Variants in PWWP3A observed in about 807,000 individuals in gnomAD.
The protein encoded by PWWP3A is PWWP domain containing 3A, DNA repair factor.
PWWP3A carries 53 observed loss-of-function variants against 79.0 expected under a neutral mutation model. That is an observed-to-expected ratio of 0.67 (90% confidence interval 0.54 to 0.84). The LOEUF is 0.84. PWWP3A is among the 40% of genes least tolerant of loss of function. PWWP3A has a pLI of 0.00. For missense variants in PWWP3A, 973 were observed against 948.0 expected (o/e 1.03, Z -0.35); for synonymous variants, 443 against 394.4 (o/e 1.12, Z -1.46).
At chr19:1,358,173 T>G (rs72981685) in intron 3 of PWWP3A, 36,700 of 486,400 alleles carry the variant, frequency 0.075, 1,858 homozygotes, top group Non-Finnish European at 0.098. Context: ...CCAGCCAACC[T>G]TTTCTGTCTT....
rs1600093148 is a variant in PWWP3A at position 1,356,443 on chromosome 19, T to G, written c.51T>G (p.Pro17=). ...VLCRWEKRLW[P]AKVLARTATS... ...GCCGATGGGAAAAGCGATTATGGCC[T>G]GCGAAGGTGACAGCCATTATTCTGT... Residue 17 remains proline (P), a synonymous_variant, in exon 2 of 14, where the codon CCT becomes CCG. Transcript: ENST00000591337. 6.2e-7 allele frequency: 1 copy of G among 1,614,162 alleles called. No homozygotes were observed. The highest frequency in any genetic ancestry group is 1.1e-5 in the South Asian group (1 of 91,080).
rs1338314940 is a variant in PWWP3A at position 1,378,154 on chromosome 19, C to T, written c.*1578C>T. 2 of 152,342 alleles carry T rather than the reference C, an allele frequency of 1.3e-5. No individual in the cohort carries two copies. The highest frequency in any genetic ancestry group is 2.9e-5 in the Non-Finnish European group (2 of 68,114). The allele number at this position is 152,342 out of a possible 1,614,324, so 9.4% of individuals were successfully genotyped here. ...GGTCAGGGCTGTCGGCCTTGGCCCC[C>T]TGCTGGTCGCTGTTTCGGGGACTCG... On this transcript the variant is annotated 3_prime_UTR_variant, in exon 14 of 14. Coordinates refer to ENST00000591337, the MANE Select transcript of PWWP3A (RefSeq NM_001369789.1).
intron 5 of PWWP3A, 72 bp from the exon 6 acceptor site, chr19:1,362,178 G>T: frequency 1.5e-6 from 2 of 1,319,078 alleles, no homozygotes; most frequent in Non-Finnish European, 1.1e-6. Context: ...CATGTGTCAT[G>T]AAATGTTTTC....
At chr19:1,357,327 T>C in intron 3 of PWWP3A, 1 of 459,484 alleles carries the variant, frequency 2.2e-6, no homozygotes, top group South Asian at 3.0e-5. Flanking sequence ...ATGGAGAGAT[T>C]GGTACAAACA....
At position 1,369,489 on chromosome 19, in the gene PWWP3A, C is replaced by T. The variant is rs2082203656; in HGVS notation, c.1499-107C>T. The T allele has an allele frequency of 3.3e-6, 5 of 1,517,504 alleles. No individual in the cohort carries two copies. Among genetic ancestry groups the T allele is most frequent in the Non-Finnish European group, 4.6e-6 (5 of 1,094,338 alleles). The allele number at this position is 1,517,504 out of a possible 1,614,324, so 94.0% of individuals were successfully genotyped here. ...CCTGTGGGTGGGCTGGGGTTCTGGC[C>T]TGGCCTGATTATTTCCTAAACAGAG... On this transcript the variant is annotated intron_variant, in intron 10 of 13. Coordinates refer to ENST00000591337, the MANE Select transcript of PWWP3A (RefSeq NM_001369789.1). The surrounding 1 kb of genome is among the most constrained non-coding windows in gnomAD (Gnocchi z 4.0).
At chr19:1,358,224 C>G in intron 3 of PWWP3A, 170 bp from the exon 4 acceptor site, 1 of 528,000 alleles carries the variant, frequency 1.9e-6, no homozygotes, top group Non-Finnish European at 3.3e-6. Flanking sequence ...AGGGTTCTTG[C>G]TGCCTGTAAC....
chr19:1,368,633 C>T lies in PWWP3A; in HGVS notation c.1423-632C>T, dbSNP rs561563123. 3.9e-5 allele frequency among the ~76,000 whole-genome samples: 6 copies of T among 152,318 alleles called. No individual in the cohort carries two copies. The highest frequency in any genetic ancestry group is 7.2e-5 in the African/African-American group (3 of 41,572). On this transcript the variant is annotated intron_variant, in intron 9 of 13. Coordinates refer to ENST00000591337, the MANE Select transcript of PWWP3A (RefSeq NM_001369789.1). This position sits in a 1 kb window ranked among gnomAD's most constrained non-coding sequence, Gnocchi z 4.7. ...TCGTGGCTTTATGGCATCTTTGGGA[C>T]GGCTGTGTCCTTTTCTGGGGACCCA...
At chr19:1,362,200 C>A in intron 5 of PWWP3A, 50 bp from the exon 6 acceptor site, 1 of 1,502,272 alleles carries the variant, frequency 6.7e-7, no homozygotes, top group South Asian at 1.2e-5. Context: ...TGGGATGAGT[C>A]ATCAAGACAA....
At chr19:1,372,876 T>C (rs1195762550) in intron 12 of PWWP3A, 196 bp from the exon 13 acceptor site, 3 of 576,742 alleles carry the variant, frequency 5.2e-6, no homozygotes, top group Non-Finnish European at 6.2e-6. Flanking sequence ...GTCCGAAAGA[T>C]AGTACTGATT....
At chr19:1,362,575 C>A (rs144627815) in intron 6 of PWWP3A, among the ~76,000 whole-genome samples, 24 of 152,344 alleles carry the variant, frequency 1.6e-4, no homozygotes, top group African/African-American at 5.5e-4. Flanking sequence ...TGGGAAGAGA[C>A]GGCCCAGCCC....
At chr19:1,374,380 C>T (rs996719332) in intron 13 of PWWP3A, 6 of 152,378 alleles carry the variant, frequency 3.9e-5, no homozygotes, top group East Asian at 3.9e-4. Flanking sequence ...CAGTGAGCAG[C>T]ATCGCACTTG....
In PWWP3A at chr19:1,369,329, G is replaced by T; in HGVS notation, c.1487G>T (p.Arg496Met). Residue 496 changes from arginine to methionine, a missense_variant, in exon 10 of 14, where the codon AGG becomes ATG. Transcript: ENST00000591337. This position sits in a 1 kb window ranked among gnomAD's most constrained non-coding sequence, Gnocchi z 4.0. ...GWCVSLITDYRVRLGCGSFAG... is the reference protein window; with the variant it reads ...GWCVSLITDYMVRLGCGSFAG... ...TGTGTCTCCCTCATCACCGACTACA[G>T]GGTCCGGTTAGGTACGTGGGGTGCT... The T allele has an allele frequency of 6.2e-7, 1 of 1,613,832 alleles. No individual in the cohort carries two copies. Among genetic ancestry groups the T allele is most frequent in the Non-Finnish European group, 8.5e-7 (1 of 1,180,010 alleles).
At position 1,376,625 on chromosome 19, in the gene PWWP3A, C is replaced by T. The variant is rs2082409125; in HGVS notation, c.*49C>T. 1 of 1,592,216 alleles carries T rather than the reference C, an allele frequency of 6.3e-7. No individual in the cohort carries two copies. Among genetic ancestry groups the T allele is most frequent in the South Asian group, 1.1e-5 (1 of 90,468 alleles). On this transcript the variant is annotated 3_prime_UTR_variant, in exon 14 of 14. Transcript: ENST00000591337. The stretch of plus-strand genomic sequence containing the variant: ...GCGGGGCCTGGCGGTGGAAGCGCCT[C>T]CAGTGTGCATGAGCGTGTCTGAAGA...
chr19:1,363,131 C>T (rs555393751), intron 6 of PWWP3A, among the ~76,000 whole-genome samples: 4 of 152,382 alleles, frequency 2.6e-5, no homozygotes, highest in African/African-American at 9.6e-5. Flanking sequence ...AGGATGTCCC[C>T]GGCCAGGAAG....
rs1293757498 is a variant in PWWP3A at position 1,362,334 on chromosome 19, G to A, written c.1196G>A (p.Arg399Lys). Reference sequence around the variant, plus strand: ...GACGAGGAAGACGAGGAGCCACCAAGAGTCCTTTTATACCACGGTAAGAAA... The same window carrying A: ...GACGAGGAAGACGAGGAGCCACCAAAAGTCCTTTTATACCACGGTAAGAAA... ...EEDEEDEEPP[R>K]VLLYHEPRSF... The change falls in exon 6 of 14, where the codon AGA (arginine) becomes AAA (lysine). Residue 399 changes from arginine to lysine, a missense_variant. By Grantham distance (26) the Arg-to-Lys change is conservative. Coordinates refer to ENST00000591337, the MANE Select transcript of PWWP3A (RefSeq NM_001369789.1). The A allele has an allele frequency of 1.2e-6, 2 of 1,614,070 alleles. No individual in the cohort carries two copies. The highest frequency in any genetic ancestry group is 2.2e-5 in the East Asian group (1 of 44,884).
chr19:1,364,037 T>C, intron 6 of PWWP3A: 1 of 417,854 alleles, frequency 2.4e-6, no homozygotes, highest in South Asian at 1.8e-5. Context: ...TTTAAATAAT[T>C]TTCCCATTTT....
chr19:1,369,957 C>T lies in PWWP3A; in HGVS notation c.1549+311C>T, dbSNP rs140047037. ...TGTTGTGAAGAATGTAGGCCAGGTGCGGAGGCTCACACCTGTAATCCCAGC... is the reference window on the plus strand; with the variant it reads ...TGTTGTGAAGAATGTAGGCCAGGTGTGGAGGCTCACACCTGTAATCCCAGC... On this transcript the variant is annotated intron_variant, in intron 11 of 13. Coordinates refer to ENST00000591337, the MANE Select transcript of PWWP3A (RefSeq NM_001369789.1). This position sits in a 1 kb window ranked among gnomAD's most constrained non-coding sequence, Gnocchi z 4.0. Among the ~76,000 whole-genome samples the T allele has an allele frequency of 9.9e-3, 1,514 of 152,280 alleles. 5 individuals carry two copies. The highest frequency in any genetic ancestry group is 0.051 in the Middle Eastern group (15 of 294).
At position 1,358,460 on chromosome 19, in the gene PWWP3A, G is replaced by C. The variant is rs368395056; in HGVS notation, c.210G>C (p.Ser70=). The change falls in exon 4 of 14, where the codon TCG becomes TCC. Residue 70 remains serine, a synonymous_variant. Coordinates refer to ENST00000591337, the MANE Select transcript of PWWP3A (RefSeq NM_001369789.1). ...EKSQIEAIAS[S]LASQNEVPAA... ...CTCAAATTGAAGCCATTGCTTCCTC[G>C]TTAGGTAAGAGCGTATTTTTAAGTG... The C allele has an allele frequency of 3.1e-6, 5 of 1,613,950 alleles. No individual in the cohort carries two copies. The highest frequency in any genetic ancestry group is 2.2e-5 in the East Asian group (1 of 44,888).
At chr19:1,361,673 C>T (rs1356558973) in intron 5 of PWWP3A, among the ~76,000 whole-genome samples, 4 of 152,222 alleles carry the variant, frequency 2.6e-5, no homozygotes, top group African/African-American at 9.7e-5. Flanking sequence ...GTCATCATCT[C>T]CTTAGCACGT....
Sources: allele counts gnomAD v4.1 joint callset (sites outside exome capture counted in the v4.1 genomes callset), GRCh38; gene constraint gnomAD v4.1.1; non-coding constraint Gnocchi (gnomAD v3.1); transcripts MANE v1.5; gene names NCBI Gene and HGNC (gene_info 2026-07-23, HGNC 2026-07-21).